NRXN2: variants seen among roughly 807,000 people sequenced by gnomAD.
NRXN2 encodes the protein neurexin 2, also known as neurexin-2-beta.
Under a neutral mutation model 128.8 loss-of-function variants are expected in NRXN2, and 29 were observed. The observed-to-expected ratio is 0.23, with a 90% CI of 0.17 to 0.31. NRXN2 has a LOEUF of 0.31. NRXN2 is among the 10% of genes least tolerant of loss of function. The pLI is 1.00. For missense variants in NRXN2, 1,881 were observed against 2,452.6 expected, an observed-to-expected ratio of 0.77 and a Z score of 4.92; for synonymous variants, 1,098 against 1,075.2, an observed-to-expected ratio of 1.02 and a Z score of -0.41.
chr11:64,685,808 T>G lies in NRXN2; in HGVS notation c.990A>C (p.Thr330=), dbSNP rs2052957005. The G allele has an allele frequency of 1.2e-6, 2 of 1,614,128 alleles. No individual in the cohort carries two copies. Residue 330 remains threonine, a synonymous_variant, in exon 6 of 23, where the codon ACA becomes ACC. Transcript: ENST00000265459. ...TLQRNGLMLH[T]GKSADYVNLS... ...GGTTGACGTAGTCGGCCGACTTGCC[T>G]GTATGCAGCATCAGGCCGTTGCGTT...
At chr11:64,620,000 G>A (rs748363777) in intron 22 of NRXN2, among the ~76,000 whole-genome samples, 14 of 152,152 alleles carry the variant, frequency 9.2e-5, no homozygotes, top group Non-Finnish European at 1.5e-4. Flanking sequence ...GGGAGCTGCA[G>A]TTACTCATCC....
Position 64,660,488 on chromosome 11 carries a change from G to T in NRXN2, c.2233C>A (p.Leu745Met). ...YDGSMYMKIM[L>M]PNAMHTEAED... ...GCCTCCGTGTGCATGGCGTTAGGCA[G>T]CATGATCTTCATGTACATGGAGCCA... Residue 745 changes from leucine to methionine, a missense_variant, in exon 11 of 23, where the codon CTG becomes ATG. This residue lies in a region of NRXN2 where 997 missense variants were observed against 1,240.8 expected (regional missense o/e 0.80). Transcript: ENST00000265459. The surrounding 1 kb of genome is among the most constrained non-coding windows in gnomAD (Gnocchi z 5.2). 2 of 1,614,228 alleles carry T rather than the reference G, an allele frequency of 1.2e-6. No homozygotes were observed. Among genetic ancestry groups the T allele is most frequent in the Non-Finnish European group, 1.7e-6 (2 of 1,180,048 alleles).
At chr11:64,618,746 A>T (rs1222177670) in intron 22 of NRXN2, among the ~76,000 whole-genome samples, 1 of 152,192 alleles carries the variant, frequency 6.6e-6, no homozygotes, top group East Asian at 1.9e-4. Flanking sequence ...AGAGGAAGGC[A>T]TCTGACCCAG....
At chr11:64,678,153 G>A (rs963878654) in intron 6 of NRXN2, among the ~76,000 whole-genome samples, 4 of 151,882 alleles carry the variant, frequency 2.6e-5, no homozygotes, top group East Asian at 1.9e-4. Context: ...AGAGTGAGTC[G>A]CCACCAGAAC....
chr11:64,653,823 G>A lies in NRXN2; in HGVS notation c.2390-101C>T, dbSNP rs567007283. On this transcript the variant is annotated intron_variant, in intron 11 of 22. Coordinates refer to ENST00000265459, the MANE Select transcript of NRXN2 (RefSeq NM_015080.4). ...TTCACAGGGAGGGGTGTCTGCGGGC[G>A]GGGTTCCCCCCAGGGCCACTTTCCG... 1,310 of 911,118 alleles carry A rather than the reference G, an allele frequency of 1.4e-3. 26 individuals are homozygous for A. In the South Asian group the frequency reaches 0.019, roughly 13 times the overall value. 56.4% of individuals were successfully genotyped at this position (911,118 alleles called of 1,614,324 possible).
intron 17 of NRXN2, among the ~76,000 whole-genome samples, chr11:64,637,074 T>C (rs934652543): frequency 1.3e-5 from 2 of 151,936 alleles, no homozygotes; most frequent in African/African-American, 4.8e-5. Context: ...GCAGGAGCCA[T>C]GGGTCCCCTT....
intron 19 of NRXN2, among the ~76,000 whole-genome samples, chr11:64,627,486 T>C (rs1020043447): frequency 5.9e-5 from 9 of 151,940 alleles, no homozygotes; most frequent in Non-Finnish European, 1.2e-4. Flanking sequence ...CAGGACCTCA[T>C]CTTGCTCACC....
intron 1 of NRXN2, among the ~76,000 whole-genome samples, chr11:64,722,126 C>T (rs972601274): frequency 6.6e-6 from 1 of 152,092 alleles, no homozygotes; most frequent in Non-Finnish European, 1.5e-5. Flanking sequence ...GAGGCTGGGA[C>T]ATGAGAAATG....
intron 19 of NRXN2, among the ~76,000 whole-genome samples, chr11:64,629,462 C>G (rs1173339904): frequency 1.3e-5 from 2 of 152,192 alleles, no homozygotes; most frequent in Non-Finnish European, 2.9e-5. Flanking sequence ...GCATATAGTT[C>G]AGTGCTATTT....
intron 22 of NRXN2, among the ~76,000 whole-genome samples, chr11:64,609,479 T>G (rs1371859127): frequency 6.6e-6 from 1 of 152,158 alleles, no homozygotes; most frequent in Non-Finnish European, 1.5e-5. Context: ...GGTCTCCCCA[T>G]CTCTAGGTCT....
chr11:64,698,027 C>T (rs2054801766), intron 2 of NRXN2, among the ~76,000 whole-genome samples: 1 of 152,134 alleles, frequency 6.6e-6, no homozygotes, highest in Non-Finnish European at 1.5e-5. Context: ...TCAGCCAGTA[C>T]CCATCACACC....
At chr11:64,719,842 G>C (rs1233499431) in intron 1 of NRXN2, among the ~76,000 whole-genome samples, 4 of 152,182 alleles carry the variant, frequency 2.6e-5, no homozygotes, top group African/African-American at 9.7e-5. Flanking sequence ...TGTTCCTAAA[G>C]GTATCTATGA....
chr11:64,661,893 G>T (rs932152451), intron 9 of NRXN2, among the ~76,000 whole-genome samples: 2 of 152,110 alleles, frequency 1.3e-5, no homozygotes, highest in Non-Finnish European at 2.9e-5. Flanking sequence ...GGGCCTGCGG[G>T]GCAGGACAGC....
Position 64,607,914 on chromosome 11 carries a change from C to T in NRXN2, c.4421G>A (p.Gly1474Glu). ...PPPAARRPPSGGPCQAERDDS... is the reference protein window; with the variant it reads ...PPPAARRPPSEGPCQAERDDS... ...GTCCCGCTCGGCCTGGCACGGGCCC[C>T]CAGAGGGCGGGCGGCGCGCGGCGGG... The change falls in exon 23 of 23, where the codon GGG (glycine) becomes GAG (glutamate). Residue 1474 changes from glycine (G) to glutamate (E), a missense_variant. Gly to Glu is a moderately conservative substitution (Grantham distance 98, BLOSUM62 -2). Coordinates refer to ENST00000265459, the MANE Select transcript of NRXN2 (RefSeq NM_015080.4). The T allele has an allele frequency of 6.4e-7, 1 of 1,562,072 alleles. No individual in the cohort carries two copies. Among genetic ancestry groups the T allele is most frequent in the Non-Finnish European group, 8.7e-7 (1 of 1,154,416 alleles).
intron 6 of NRXN2, among the ~76,000 whole-genome samples, chr11:64,682,266 A>C (rs1294127470): frequency 6.7e-6 from 1 of 148,972 alleles, no homozygotes; most frequent in Admixed American, 6.6e-5. Flanking sequence ...TGGGGACTCC[A>C]TCATTGGGGG....
chr11:64,687,684 G>C (rs572322705), intron 5 of NRXN2, among the ~76,000 whole-genome samples: 40 of 152,342 alleles, frequency 2.6e-4, no homozygotes, highest in African/African-American at 9.1e-4. Context: ...GCAGAGCCAG[G>C]AAAAGGAGAA....
chr11:64,718,938 C>G (rs2057367436), intron 1 of NRXN2, among the ~76,000 whole-genome samples: 3 of 152,304 alleles, frequency 2.0e-5, no homozygotes, highest in Non-Finnish European at 2.9e-5. Context: ...AGCCTGGGTT[C>G]AAATGCCAGC....
intron 2 of NRXN2, among the ~76,000 whole-genome samples, chr11:64,699,166 T>A (rs1431062157): frequency 6.6e-6 from 1 of 152,126 alleles, no homozygotes; most frequent in South Asian, 2.1e-4. Flanking sequence ...TCCACGCACA[T>A]ACACAGGCTG....
Position 64,707,364 on chromosome 11 carries a change from G to A in NRXN2, c.730+5606C>T, listed in dbSNP as rs559438942. Among the ~76,000 whole-genome samples, 44 of 150,598 alleles carry A rather than the reference G, an allele frequency of 2.9e-4. No individual in the cohort carries two copies. The Middle Eastern group carries it at 0.01, about 35-fold the overall frequency. On this transcript the variant is annotated intron_variant, in intron 2 of 22. Coordinates refer to ENST00000265459, the MANE Select transcript of NRXN2 (RefSeq NM_015080.4). Reference sequence around the variant, plus strand: ...ATCACGCCACTGTACTCCAGCCTTGGAGACAGCGAGACTCCGTCTCAAAAA... The same window carrying A: ...ATCACGCCACTGTACTCCAGCCTTGAAGACAGCGAGACTCCGTCTCAAAAA...
Sources: allele counts gnomAD v4.1 joint callset (sites outside exome capture counted in the v4.1 genomes callset), GRCh38; gene constraint gnomAD v4.1.1; regional missense constraint gnomAD v4.1.1; non-coding constraint Gnocchi (gnomAD v3.1); transcripts MANE v1.5; gene names NCBI Gene and HGNC (gene_info 2026-07-23, HGNC 2026-07-21).